The following PWWP2A variants were observed in gnomAD, a reference collection of about 807,000 sequenced individuals.
The protein encoded by PWWP2A is PWWP domain containing 2A.
In PWWP2A, 18 loss-of-function variants were observed where a neutral mutation model predicts 48.5. The observed-to-expected ratio is 0.37, with a 90% CI of 0.26 to 0.55. PWWP2A has a LOEUF of 0.55. PWWP2A is among the 20% of genes least tolerant of loss of function. PWWP2A has a pLI of 0.81. For missense variants in PWWP2A, 867 were observed against 976.4 expected, an observed-to-expected ratio of 0.89 and a Z score of 1.49; for synonymous variants, 396 against 387.7, an observed-to-expected ratio of 1.02 and a Z score of -0.25.
chr5:160,081,967 A>C (rs1376386677), intron 2 of PWWP2A, among the ~76,000 whole-genome samples: 1 of 152,238 alleles, frequency 6.6e-6, no homozygotes, highest in African/African-American at 2.4e-5. Context: ...TCTGACACTG[A>C]AAAGATTTTG....
chr5:160,060,980 C>G (rs1291648424), downstream of PWWP2A, among the ~76,000 whole-genome samples: 2 of 152,256 alleles, frequency 1.3e-5, no homozygotes, highest in Non-Finnish European at 2.9e-5. Flanking sequence ...CCCCCAGGGT[C>G]TCCCCTTCTG....
chr5:160,096,890 A>G (rs1755706843), intron 1 of PWWP2A, among the ~76,000 whole-genome samples: 1 of 152,046 alleles, frequency 6.6e-6, no homozygotes, highest in Non-Finnish European at 1.5e-5. Flanking sequence ...TATCCTCTAA[A>G]CTCATTTTTG....
intron 1 of PWWP2A, among the ~76,000 whole-genome samples, chr5:160,115,617 C>T (rs1166893784): frequency 2.0e-5 from 3 of 151,604 alleles, no homozygotes; most frequent in Non-Finnish European, 4.4e-5. Context: ...CACTTGAACC[C>T]AGGAGGTGGA....
Position 160,078,017 on chromosome 5 carries a change from C to A in PWWP2A, c.*138G>T. The A allele has an allele frequency of 1.4e-6, 1 of 709,328 alleles. No individual in the cohort carries two copies. The highest frequency in any genetic ancestry group is 1.8e-5 in the South Asian group (1 of 56,842). 43.9% of individuals were successfully genotyped at this position (709,328 alleles called of 1,614,324 possible). A position where few individuals can be genotyped will look rare whatever the true frequency, so the allele number is the denominator to read the frequency against. ...AAGACAGCACAATTTGCAAGTGCCC[C>A]TTTATAGACTGTTGTTTTTAACCAC... is the stretch of plus-strand genomic sequence containing the variant. On this transcript the variant is annotated 3_prime_UTR_variant, in exon 4 of 4. Transcript: ENST00000456329. This position sits in a 1 kb window ranked among gnomAD's most constrained non-coding sequence, Gnocchi z 4.2.
intron 1 of PWWP2A, among the ~76,000 whole-genome samples, chr5:160,109,810 A>T (rs1398907926): frequency 4.2e-5 from 5 of 118,546 alleles, no homozygotes; most frequent in South Asian, 2.8e-4. Context: ...TATATATATA[A>T]AATAATATAA....
At chr5:160,065,453 G>A (rs1753578880) in intron 4 of PWWP2A, 6 of 459,904 alleles carry the variant, frequency 1.3e-5, no homozygotes, top group African/African-American at 4.0e-5. Context: ...ACGGGTTCCC[G>A]CCTGCTGTCC....
downstream of PWWP2A, among the ~76,000 whole-genome samples, chr5:160,057,924 C>T (rs1485012934): frequency 6.6e-6 from 1 of 152,134 alleles, no homozygotes; most frequent in East Asian, 1.9e-4. This position sits in a 1 kb window ranked among gnomAD's most constrained non-coding sequence, Gnocchi z 4.4. Context: ...TATGCCACCA[C>T]ACCCAGCTAA....
chr5:160,075,060 C>T (rs565496406), downstream of PWWP2A, among the ~76,000 whole-genome samples: 1 of 152,274 alleles, frequency 6.6e-6, no homozygotes, highest in Admixed American at 6.5e-5. Context: ...TCATTCCCTC[C>T]ATCTTGTAGG....
At chr5:160,080,580 C>A in intron 3 of PWWP2A, 1 of 1,327,862 alleles carries the variant, frequency 7.5e-7, no homozygotes, top group Non-Finnish European at 9.9e-7. Context: ...CTAGCCTAAT[C>A]TACTTCAGGA....
chr5:160,090,862 T>A (rs150540385), downstream of PWWP2A: 3 of 984,970 alleles, frequency 3.0e-6, no homozygotes, highest in East Asian at 3.4e-4. Context: ...GCCAATCAGA[T>A]ATATTTCTCA....
chr5:160,116,287 G>T (rs530200361), intron 1 of PWWP2A, among the ~76,000 whole-genome samples: 2 of 151,932 alleles, frequency 1.3e-5, no homozygotes, highest in Non-Finnish European at 2.9e-5. Context: ...GAACTCCTGC[G>T]CTCAAGTGAT....
chr5:160,090,668 G>A, downstream of PWWP2A: 2 of 972,562 alleles, frequency 2.1e-6, no homozygotes, highest in Non-Finnish European at 2.4e-6. Flanking sequence ...CAAGACTATT[G>A]ATTTTCAATC....
At chr5:160,083,077 T>C (rs1320073492) in intron 2 of PWWP2A, among the ~76,000 whole-genome samples, 1 of 152,190 alleles carries the variant, frequency 6.6e-6, no homozygotes, top group Non-Finnish European at 1.5e-5. Context: ...CTTAATACAG[T>C]AAAGCATGAT....
chr5:160,100,839 A>G (rs1756199021), intron 1 of PWWP2A, among the ~76,000 whole-genome samples: 1 of 152,220 alleles, frequency 6.6e-6, no homozygotes, highest in Admixed American at 6.5e-5. Context: ...ACAAAAAGTT[A>G]AAAATGGAAT....
At chr5:160,112,987 T>C (rs1045272043) in intron 1 of PWWP2A, among the ~76,000 whole-genome samples, 5 of 152,142 alleles carry the variant, frequency 3.3e-5, no homozygotes, top group Non-Finnish European at 7.4e-5. Context: ...TGAAACACTG[T>C]CTCTACTAAA....
Position 160,077,907 on chromosome 5 carries a change from C to T in PWWP2A, c.*248G>A. 2.2e-6 allele frequency: 1 copy of T among 453,900 alleles called. No individual in the cohort carries two copies. The highest frequency in any genetic ancestry group is 4.0e-6 in the Non-Finnish European group (1 of 252,548). The allele number at this position is 453,900 out of a possible 1,614,324, so 28.1% of individuals were successfully genotyped here. On this transcript the variant is annotated 3_prime_UTR_variant, in exon 4 of 4. Coordinates refer to the PWWP2A transcript ENST00000456329. The surrounding 1 kb of genome is among the most constrained non-coding windows in gnomAD (Gnocchi z 4.2). ...CAAGTGAGTTCTTACGTGTGTAATT[C>T]ACATCATTTTTCTCCTCATCTCATG...
intron 1 of PWWP2A, among the ~76,000 whole-genome samples, chr5:160,105,239 C>CAAAAAA (rs70990704): frequency 3.5e-4 from 17 of 48,966 alleles, no homozygotes; most frequent in East Asian, 1.3e-3. Context: ...GTCTCTAAGG[C>CAAAAAA]AAAAAAAAAA....
intron 5 of PWWP2A, among the ~76,000 whole-genome samples, chr5:160,063,305 T>A (rs1318516530): frequency 6.6e-6 from 1 of 152,108 alleles, no homozygotes; most frequent in Non-Finnish European, 1.5e-5. Context: ...AGCCCTGAAC[T>A]CCTTGGGCTC....
chr5:160,111,057 T>C (rs1757514015), intron 1 of PWWP2A, among the ~76,000 whole-genome samples: 2 of 151,812 alleles, frequency 1.3e-5, no homozygotes, highest in Non-Finnish European at 2.9e-5. Context: ...CAGTGGCTCA[T>C]GCCTGTAATC....
Sources: allele counts gnomAD v4.1 joint callset (sites outside exome capture counted in the v4.1 genomes callset), GRCh38; gene constraint gnomAD v4.1.1; non-coding constraint Gnocchi (gnomAD v3.1); transcripts MANE v1.5; gene names NCBI Gene and HGNC (gene_info 2026-07-23, HGNC 2026-07-21).